Variants in OTOG observed in about 807,000 individuals in gnomAD.
The protein encoded by OTOG is otogelin.
OTOG carries 296 observed loss-of-function variants against 313.8 expected under a neutral mutation model. The observed-to-expected ratio is 0.94, with a 90% CI of 0.86 to 1.04. OTOG has a LOEUF of 1.04. OTOG is among the 50% of genes least tolerant of loss of function. The pLI is 0.00. For synonymous variants in OTOG, 1,533 were observed against 1,554.9 expected (o/e 0.99, Z 0.33); for missense variants, 3,948 against 3,840.1 (o/e 1.03, Z -0.74).
In OTOG at chr11:17,558,183, A is replaced by G. The variant is rs1589997050; in HGVS notation, c.866-2A>G. The G allele has an allele frequency of 6.5e-7, 1 of 1,550,360 alleles. No individual in the cohort carries two copies. The highest frequency in any genetic ancestry group is 8.7e-7 in the Non-Finnish European group (1 of 1,146,912). Reference sequence around the variant, plus strand: ...CATCATGATGTCAGCTCCCTCCTCCAGGGAAGCTGACTGACGACGTGGTTG... The same window carrying G: ...CATCATGATGTCAGCTCCCTCCTCCGGGGAAGCTGACTGACGACGTGGTTG... On this transcript the variant is annotated splice_acceptor_variant, in intron 8 of 55. Coordinates refer to ENST00000399397, the MANE Select transcript of OTOG (RefSeq NM_001292063.2). LOFTEE classifies it high-confidence loss of function.
At chr11:17,563,753 T>G (rs1852241186) in intron 15 of OTOG, among the ~76,000 whole-genome samples, 1 of 151,146 alleles carries the variant, frequency 6.6e-6, no homozygotes, top group African/African-American at 2.4e-5. Context: ...CAATCTCAGC[T>G]CACTGCAGCC....
chr11:17,624,194 T>C (rs1313379044), intron 39 of OTOG, among the ~76,000 whole-genome samples: 2 of 152,216 alleles, frequency 1.3e-5, no homozygotes, highest in Non-Finnish European at 2.9e-5. Flanking sequence ...TTTGTTGCAA[T>C]TTCTTTTGGT....
Position 17,603,595 on chromosome 11 carries a change from C to A in OTOG, c.3877+1218C>A, listed in dbSNP as rs59932133. 7.9e-3 allele frequency among the ~76,000 whole-genome samples: 1,204 copies of A among 152,214 alleles called. 14 individuals carry two copies. The highest frequency in any genetic ancestry group is 0.028 in the African/African-American group (1,155 of 41,520). Reference sequence around the variant, plus strand: ...TGGGTCTCATGGGCCCAGTGGGGACCCAAGCTCCTCCCTCTCCCTTCCCAT... The same window carrying A: ...TGGGTCTCATGGGCCCAGTGGGGACACAAGCTCCTCCCTCTCCCTTCCCAT... On this transcript the variant is annotated intron_variant, in intron 32 of 55. Transcript: ENST00000399397.
intron 30 of OTOG, among the ~76,000 whole-genome samples, chr11:17,598,868 C>T (rs1179152851): frequency 1.3e-5 from 2 of 152,234 alleles, no homozygotes; most frequent in African/African-American, 4.8e-5. Flanking sequence ...TGTCTCCTGA[C>T]TCCTAGTGTT....
At position 17,593,656 on chromosome 11, in the gene OTOG, G is replaced by T. The variant is rs11024333; in HGVS notation, c.3188G>T (p.Arg1063Leu). 72 of 1,548,888 alleles carry T rather than the reference G, an allele frequency of 4.6e-5. No individual in the cohort carries two copies. The highest frequency in any genetic ancestry group is 4.2e-4 in the Middle Eastern group (2 of 4,818). Residue 1063 changes from arginine (R) to leucine (L), a missense_variant, in exon 27 of 56, where the codon CGA (arginine) becomes CTA (leucine). Physicochemically the swap from Arg to Leu is moderately radical, Grantham distance 102. Coordinates refer to ENST00000399397, the MANE Select transcript of OTOG (RefSeq NM_001292063.2). ...LDDKQEVHTW[R>L]VGFFTLVHFP... The stretch of plus-strand genomic sequence containing the variant: ...GACAAGCAGGAGGTCCACACATGGC[G>T]AGTGGGATTTTTCACACTGGTGCAT...
intron 23 of OTOG, among the ~76,000 whole-genome samples, chr11:17,580,155 T>C (rs1472914161): frequency 6.6e-6 from 1 of 152,170 alleles, no homozygotes; most frequent in Admixed American, 6.5e-5. Flanking sequence ...TCTAAGAATC[T>C]CCAAAGAACG....
At chr11:17,603,264 G>C (rs1853298803) in intron 32 of OTOG, among the ~76,000 whole-genome samples, 1 of 152,152 alleles carries the variant, frequency 6.6e-6, no homozygotes, top group African/African-American at 2.4e-5. Flanking sequence ...ACAGCTAGAA[G>C]CACCACCCCC....
chr11:17,601,625 C>T (rs1294180991), intron 31 of OTOG, among the ~76,000 whole-genome samples: 10 of 75,086 alleles, frequency 1.3e-4, no homozygotes, highest in East Asian at 3.2e-4. Flanking sequence ...GCTCAGCAGC[C>T]GTGGGGAGGA....
At chr11:17,570,545 T>G (rs1852383040) in intron 17 of OTOG, 155 bp downstream of exon 17, 30 of 756,886 alleles carry the variant, frequency 4.0e-5, no homozygotes, top group Non-Finnish European at 2.1e-6. Flanking sequence ...AATTTAATTA[T>G]GTTTCTTTAA....
chr11:17,634,882 T>G lies in OTOG; in HGVS notation c.7519T>G (p.Cys2507Gly). The G allele has an allele frequency of 1.3e-6, 2 of 1,516,102 alleles. No individual in the cohort carries two copies. 93.9% of individuals were successfully genotyped at this position (1,516,102 alleles called of 1,614,324 possible). A position where few individuals can be genotyped will look rare whatever the true frequency, so the allele number is the denominator to read the frequency against. The change falls in exon 45 of 56, where the codon TGC (cysteine) becomes GGC (glycine). Residue 2507 changes from cysteine (C) to glycine (G), a missense_variant. Cys to Gly is a radical substitution (Grantham distance 159, BLOSUM62 -3). Transcript: ENST00000399397. ...QTLCEGLAPT[C>G]RPGHRLLTHF... Reference sequence around the variant, plus strand: ...TCTGTGTGAGGGTCTCGCCCCCACATGCCGCCCAGGCCACCGCCTCCTCAC... The same window carrying G: ...TCTGTGTGAGGGTCTCGCCCCCACAGGCCGCCCAGGCCACCGCCTCCTCAC...
intron 15 of OTOG, among the ~76,000 whole-genome samples, chr11:17,567,917 CTTTTT>C (rs1554969600): frequency 1.6e-5 from 1 of 62,322 alleles, no homozygotes; most frequent in South Asian, 5.6e-4. Context: ...CTTTTCTTTT[CTTTTT>C]TTTGAGACAG....
chr11:17,628,315 G>A (rs1045824801), intron 39 of OTOG, among the ~76,000 whole-genome samples: 1 of 151,716 alleles, frequency 6.6e-6, no homozygotes, highest in Non-Finnish European at 1.5e-5. Context: ...TTTTTTTATT[G>A]ACCCACTTGA....
Position 17,583,922 on chromosome 11 carries a change from A to G in OTOG, c.2760-2552A>G, listed in dbSNP as rs545950132. On this transcript the variant is annotated intron_variant, in intron 23 of 55. Coordinates refer to ENST00000399397, the MANE Select transcript of OTOG (RefSeq NM_001292063.2). ...TGGGGAGAATTGGCATCTTAACACC[A>G]GTAAGTCCTCCAAACCACAAATATG... Among the ~76,000 whole-genome samples, 6 of 152,334 alleles carry G rather than the reference A, an allele frequency of 3.9e-5. No individual in the cohort carries two copies. In the East Asian group the frequency reaches 1.2e-3, roughly 29 times the overall value.
At chr11:17,556,973 C>T in intron 7 of OTOG, 145 bp from the exon 8 acceptor site, 1 of 765,108 alleles carries the variant, frequency 1.3e-6, no homozygotes, top group Non-Finnish European at 2.1e-6. Context: ...GGTATACTTC[C>T]AGGCACCTGG....
In OTOG at chr11:17,606,148, C is replaced by T. The variant is rs1195134588; in HGVS notation, c.4156+13C>T. The T allele has an allele frequency of 1.3e-6, 2 of 1,517,996 alleles. No homozygotes were observed. The highest frequency in any genetic ancestry group is 1.4e-5 in the African/African-American group (1 of 72,596). 94.0% of individuals were successfully genotyped at this position (1,517,996 alleles called of 1,614,324 possible). On this transcript the variant is annotated intron_variant, in intron 33 of 55. Transcript: ENST00000399397. ...TTCCGCCTTCTGGGTAGGCGACCCC[C>T]TGCCATTGCCCTCGGCCCTTTGGCC...
Position 17,633,645 on chromosome 11 carries a change from C to T in OTOG, c.7073-35C>T, listed in dbSNP as rs531005793. ...CTCAGTGGGGAGCCCTGCCTGGGGTCTGAGGTAGGCCTGGTGCCCACTGTG... is the reference window on the plus strand; with the variant it reads ...CTCAGTGGGGAGCCCTGCCTGGGGTTTGAGGTAGGCCTGGTGCCCACTGTG... On this transcript the variant is annotated intron_variant, in intron 42 of 55. Coordinates refer to ENST00000399397, the MANE Select transcript of OTOG (RefSeq NM_001292063.2). 1.8e-5 allele frequency: 27 copies of T among 1,484,414 alleles called. 1 individual carries two copies. In the African/African-American group the frequency reaches 2.7e-4, roughly 15 times the overall value. The allele number at this position is 1,484,414 out of a possible 1,614,324, so 92.0% of individuals were successfully genotyped here. A position where few individuals can be genotyped will look rare whatever the true frequency, so the allele number is the denominator to read the frequency against.
At chr11:17,556,548 T>C (rs989685527) in intron 7 of OTOG, among the ~76,000 whole-genome samples, 13 of 152,192 alleles carry the variant, frequency 8.5e-5, no homozygotes, top group Non-Finnish European at 1.6e-4. Context: ...ACCAAGCAAT[T>C]GTTCTGGGGC....
chr11:17,549,301 G>A (rs1851882408), intron 3 of OTOG, among the ~76,000 whole-genome samples: 1 of 152,200 alleles, frequency 6.6e-6, no homozygotes, highest in Non-Finnish European at 1.5e-5. Context: ...GGAGCCCCTT[G>A]AGCCAGCAGA....
chr11:17,643,214 G>A (rs1253346862), intron 53 of OTOG, among the ~76,000 whole-genome samples: 2 of 152,216 alleles, frequency 1.3e-5, no homozygotes, highest in Non-Finnish European at 2.9e-5. Flanking sequence ...ACTGCCCCAG[G>A]AAAGATGGGA....
Sources: gnomAD v4.1 joint callset for allele counts (sites outside exome capture counted in the v4.1 genomes callset) on GRCh38, gnomAD v4.1.1 for gene constraint, MANE v1.5 for transcripts, NCBI Gene and HGNC (gene_info 2026-07-23, HGNC 2026-07-21) for gene names.